The following ARL14EPL variants were observed in gnomAD, a reference collection of about 807,000 sequenced individuals.
The protein encoded by ARL14EPL is ARF like GTPase 14 effector protein like, also known as ARL14 effector protein-like.
ARL14EPL carries 17 observed loss-of-function variants against 15.9 expected under a neutral mutation model. That is an observed-to-expected ratio of 1.07 (90% CI 0.73 to 1.60). ARL14EPL has a LOEUF of 1.60. Ranked by LOEUF, ARL14EPL falls within the 40% of genes most tolerant of loss-of-function variation. The pLI, the probability that ARL14EPL is intolerant of heterozygous loss-of-function variation, is 0.00. For missense variants in ARL14EPL, 214 were observed against 185.9 expected (o/e 1.15, Z -0.88); for synonymous variants, 78 against 63.8 (o/e 1.22, Z -1.06).
intron 1 of ARL14EPL, among the ~76,000 whole-genome samples, chr5:116,042,022 G>T (rs957639520): frequency 6.6e-6 from 1 of 151,834 alleles, no homozygotes; most frequent in Non-Finnish European, 1.5e-5. Context: ...AAAGACAGGG[G>T]GTCTCACCAT....
At chr5:116,057,812 G>A (rs2112684006) in intron 3 of ARL14EPL, among the ~76,000 whole-genome samples, 1 of 152,278 alleles carries the variant, frequency 6.6e-6, no homozygotes, top group South Asian at 2.1e-4. Flanking sequence ...AGGGACAAAG[G>A]GTGCAGGAGT....
At chr5:116,047,452 G>A (rs1416281266) in intron 1 of ARL14EPL, among the ~76,000 whole-genome samples, 2 of 152,198 alleles carry the variant, frequency 1.3e-5, no homozygotes, top group African/African-American at 4.8e-5. Flanking sequence ...CATCCTATTA[G>A]TATCTTTGTG....
At chr5:116,055,442 CTT>C (rs577355122) in intron 3 of ARL14EPL, among the ~76,000 whole-genome samples, 5 of 152,002 alleles carry the variant, frequency 3.3e-5, no homozygotes, top group Non-Finnish European at 7.4e-5. Flanking sequence ...AGATAAATAA[CTT>C]GTGGTATATT....
intron 3 of ARL14EPL, among the ~76,000 whole-genome samples, chr5:116,055,811 C>T (rs1388644008): frequency 6.6e-6 from 1 of 151,956 alleles, no homozygotes; most frequent in Non-Finnish European, 1.5e-5. Context: ...CCCAACCCCA[C>T]AACAGGCCCC....
At chr5:116,042,596 T>C (rs1277814821) in intron 1 of ARL14EPL, among the ~76,000 whole-genome samples, 1 of 152,228 alleles carries the variant, frequency 6.6e-6, no homozygotes, top group Non-Finnish European at 1.5e-5. Flanking sequence ...ATAAGGGCTA[T>C]TCTTCTTGGA....
At chr5:116,052,859 T>C (rs1348973638) in intron 2 of ARL14EPL, among the ~76,000 whole-genome samples, 5 of 152,234 alleles carry the variant, frequency 3.3e-5, no homozygotes, top group African/African-American at 7.2e-5. Context: ...GTATTTCATG[T>C]ATATGTCAGC....
intron 1 of ARL14EPL, among the ~76,000 whole-genome samples, chr5:116,036,932 A>T (rs562078202): frequency 2.7e-5 from 4 of 149,920 alleles, no homozygotes; most frequent in South Asian, 2.1e-4. Flanking sequence ...GCAATTAAAG[A>T]TTTTTTTTTT....
chr5:116,050,348 TG>T (rs1386954569), intron 1 of ARL14EPL, among the ~76,000 whole-genome samples: 1 of 152,218 alleles, frequency 6.6e-6, no homozygotes, highest in African/African-American at 2.4e-5. Context: ...ATGCAGTATT[TG>T]GTTTTCGTTT....
At chr5:116,054,648 G>A (rs892020782) in intron 3 of ARL14EPL, among the ~76,000 whole-genome samples, 15 of 152,072 alleles carry the variant, frequency 9.9e-5, no homozygotes, top group African/African-American at 2.9e-4. Context: ...TGGCTAACAC[G>A]GTGAAACCCC....
chr5:116,043,523 G>C (rs1261098876), intron 1 of ARL14EPL, among the ~76,000 whole-genome samples: 1 of 151,998 alleles, frequency 6.6e-6, no homozygotes, highest in Non-Finnish European at 1.5e-5. Flanking sequence ...CTTTTAAAAG[G>C]AAATTATCTT....
chr5:116,049,902 C>A (rs1317026618), intron 1 of ARL14EPL, among the ~76,000 whole-genome samples: 2 of 152,156 alleles, frequency 1.3e-5, no homozygotes. Context: ...AATTAAAATT[C>A]TCCAAAATAA....
At chr5:116,037,402 T>C (rs1749065251) in intron 1 of ARL14EPL, among the ~76,000 whole-genome samples, 1 of 152,200 alleles carries the variant, frequency 6.6e-6, no homozygotes, top group South Asian at 2.1e-4. Context: ...ACATCCTGCA[T>C]ATCACAGAGG....
At position 116,058,755 on chromosome 5, in the gene ARL14EPL, G is replaced by C. The variant is rs1265824628; in HGVS notation, c.267G>C (p.Arg89Ser). 16 of 1,535,284 alleles carry C rather than the reference G, an allele frequency of 1.0e-5. No individual in the cohort carries two copies. Among genetic ancestry groups the C allele is most frequent in the East Asian group, 2.4e-5 (1 of 40,934 alleles). The change falls in exon 4 of 4, where the codon AGG (arginine) becomes AGC (serine). Residue 89 changes from arginine to serine, a missense_variant. By Grantham distance (110) the Arg-to-Ser change is moderately radical. Coordinates refer to ENST00000686077, the MANE Select transcript of ARL14EPL (RefSeq NM_001195581.2). Reference protein sequence around the residue: ...KIMRKYDKSGRLICNDADLCD... With the variant: ...KIMRKYDKSGSLICNDADLCD... The stretch of plus-strand genomic sequence containing the variant: ...TGAGGAAGTATGACAAAAGTGGCAG[G>C]CTCATCTGTAATGACGCTGATCTGT...
intron 1 of ARL14EPL, 102 bp downstream of exon 1, chr5:116,032,607 A>G (rs1351998289): frequency 6.6e-6 from 1 of 152,152 alleles, no homozygotes; most frequent in Non-Finnish European, 1.5e-5. Flanking sequence ...ATTGTTAGTT[A>G]CTGTTGTTAA....
chr5:116,036,350 C>G (rs1248096892), intron 1 of ARL14EPL, among the ~76,000 whole-genome samples: 1 of 152,130 alleles, frequency 6.6e-6, no homozygotes, highest in East Asian at 1.9e-4. Flanking sequence ...AGAAATAATA[C>G]AGTGTCAAGT....
intron 1 of ARL14EPL, among the ~76,000 whole-genome samples, chr5:116,033,062 G>A (rs1013480284): frequency 1.3e-5 from 2 of 152,140 alleles, no homozygotes; most frequent in African/African-American, 4.8e-5. Flanking sequence ...GCCTGCCAAA[G>A]TGCTGGGATT....
intron 1 of ARL14EPL, 81 bp from the exon 2 acceptor site, chr5:116,051,376 A>T: frequency 1.2e-6 from 1 of 827,576 alleles, no homozygotes; most frequent in Non-Finnish European, 1.9e-6. Flanking sequence ...ACGTGTAGGG[A>T]GAGTAGAAAA....
chr5:116,039,176 A>G (rs957938611), intron 1 of ARL14EPL, among the ~76,000 whole-genome samples: 1 of 152,122 alleles, frequency 6.6e-6, no homozygotes, highest in African/African-American at 2.4e-5. Context: ...GGTCCCGAAC[A>G]GGGTTTGGTG....
chr5:116,046,633 C>T (rs567929261), intron 1 of ARL14EPL, among the ~76,000 whole-genome samples: 2 of 152,136 alleles, frequency 1.3e-5, no homozygotes, highest in Admixed American at 6.5e-5. Flanking sequence ...ATTCAGCCAT[C>T]ATGGCTCCTA....
Sources: allele counts gnomAD v4.1 joint callset (sites outside exome capture counted in the v4.1 genomes callset), GRCh38; gene constraint gnomAD v4.1.1; transcripts MANE v1.5; gene names NCBI Gene and HGNC (gene_info 2026-07-23, HGNC 2026-07-21).